The following TMTC2 variants were observed in gnomAD, a reference collection of about 807,000 sequenced individuals.
TMTC2 encodes protein O-mannosyl-transferase TMTC2.
TMTC2 carries 43 observed loss-of-function variants against 82.4 expected under a neutral mutation model. That is an observed-to-expected ratio of 0.52 (90% CI 0.41 to 0.67). The LOEUF is 0.67. Among genes scored for constraint, TMTC2 ranks in the 30% least tolerant of loss-of-function variants. The pLI is 0.00. For synonymous variants in TMTC2, 408 were observed against 381.9 expected, an observed-to-expected ratio of 1.07 and a Z score of -0.80; for missense variants, 919 against 1,012.4, an observed-to-expected ratio of 0.91 and a Z score of 1.25.
At chr12:83,043,780 T>A (rs1477932050) in intron 9 of TMTC2, among the ~76,000 whole-genome samples, 1 of 152,212 alleles carries the variant, frequency 6.6e-6, no homozygotes, top group Non-Finnish European at 1.5e-5. Flanking sequence ...AGACACAATA[T>A]TAATTTGGGG....
chr12:82,977,295 A>C (rs1565836336), intron 7 of TMTC2, among the ~76,000 whole-genome samples: 1 of 151,984 alleles, frequency 6.6e-6, no homozygotes, highest in Non-Finnish European at 1.5e-5. Flanking sequence ...ATAGCCAAGA[A>C]AGTCTTAATG....
At chr12:82,881,306 C>T (rs762162335) in intron 2 of TMTC2, among the ~76,000 whole-genome samples, 27 of 152,122 alleles carry the variant, frequency 1.8e-4, no homozygotes, top group Non-Finnish European at 3.8e-4. Flanking sequence ...AGTTTGAGTA[C>T]TTTTCTGTTT....
intron 1 of TMTC2, among the ~76,000 whole-genome samples, chr12:82,816,895 G>T (rs1461449013): frequency 4.0e-5 from 6 of 151,844 alleles, no homozygotes; most frequent in African/African-American, 1.5e-4. Flanking sequence ...AGGCTGAATT[G>T]GTGAAAGAGA....
intron 1 of TMTC2, among the ~76,000 whole-genome samples, chr12:82,710,588 G>A (rs1245807806): frequency 6.6e-6 from 1 of 152,190 alleles, no homozygotes; most frequent in African/African-American, 2.4e-5. Context: ...CATGATACAT[G>A]AGTAATGAAT....
At chr12:83,116,785 T>G (rs184616568) in intron 11 of TMTC2, among the ~76,000 whole-genome samples, 14 of 152,156 alleles carry the variant, frequency 9.2e-5, no homozygotes, top group African/African-American at 3.4e-4. Flanking sequence ...ATGGGATTTT[T>G]TTTTCTTACT....
chr12:83,081,446 TCTCA>T (rs1883464693), intron 11 of TMTC2, among the ~76,000 whole-genome samples: 2 of 152,198 alleles, frequency 1.3e-5, no homozygotes, highest in African/African-American at 4.8e-5. Flanking sequence ...AATAACAGAT[TCTCA>T]CTCACTTGCC....
chr12:83,074,599 T>C (rs1883223081), intron 11 of TMTC2, among the ~76,000 whole-genome samples: 1 of 151,942 alleles, frequency 6.6e-6, no homozygotes, highest in Non-Finnish European at 1.5e-5. Context: ...TGCTGAGTCA[T>C]GTGGTTGTCA....
At chr12:83,031,165 G>A (rs1881415896) in intron 9 of TMTC2, among the ~76,000 whole-genome samples, 1 of 151,920 alleles carries the variant, frequency 6.6e-6, no homozygotes, top group Non-Finnish European at 1.5e-5. Context: ...CATCAGGAAA[G>A]CATCTAGCTC....
chr12:82,973,505 A>G (rs1878535812), intron 7 of TMTC2, among the ~76,000 whole-genome samples: 1 of 152,210 alleles, frequency 6.6e-6, no homozygotes, highest in Non-Finnish European at 1.5e-5. Context: ...AATAATGAAT[A>G]TATGAAATTT....
intron 2 of TMTC2, among the ~76,000 whole-genome samples, chr12:82,866,591 T>C (rs892148424): frequency 1.9e-4 from 29 of 152,148 alleles, no homozygotes; most frequent in African/African-American, 7.0e-4. Context: ...ATCACTCAGC[T>C]CAATTTTCGA....
chr12:82,998,342 A>G (rs1345822663), intron 8 of TMTC2, among the ~76,000 whole-genome samples: 1 of 152,198 alleles, frequency 6.6e-6, no homozygotes, highest in Non-Finnish European at 1.5e-5. Flanking sequence ...AGAGCTATGC[A>G]GAAAATAGCC....
intron 1 of TMTC2, among the ~76,000 whole-genome samples, chr12:82,724,309 G>A (rs148687811): frequency 1.9e-3 from 289 of 152,284 alleles, no homozygotes; most frequent in African/African-American, 6.6e-3. Flanking sequence ...CTGCTTATTA[G>A]ACTTGTGATA....
intron 2 of TMTC2, among the ~76,000 whole-genome samples, chr12:82,876,150 GGTGGTA>G (rs1241094597): frequency 1.4e-5 from 2 of 145,864 alleles, no homozygotes; most frequent in Non-Finnish European, 3.0e-5. Flanking sequence ...TGGTGGTGGT[GGTGGTA>G]GTGGTGGTAG....
At chr12:82,768,259 T>A (rs7315215) in intron 1 of TMTC2, among the ~76,000 whole-genome samples, 19,964 of 152,266 alleles carry the variant, frequency 0.13, 1,447 homozygotes, top group Middle Eastern at 0.21. Context: ...GTTGCATCTG[T>A]AGTGCCAGAC....
rs189856622 is a variant in TMTC2 at position 82,788,115 on chromosome 12, G to A, written c.84-68895G>A. ...CATTTAAATGATTTCCTTACAAAAC[G>A]ACTGTAATGGATTTTCTTTAAAAAA... On this transcript the variant is annotated intron_variant, in intron 1 of 11. Coordinates refer to ENST00000321196, the MANE Select transcript of TMTC2 (RefSeq NM_152588.3). Among the ~76,000 whole-genome samples the A allele has an allele frequency of 1.8e-3, 280 of 151,870 alleles. 1 individual carries two copies. Among genetic ancestry groups the A allele is most frequent in the Middle Eastern group, 3.4e-3 (1 of 294 alleles).
chr12:82,989,428 G>T (rs1161179891), intron 8 of TMTC2, among the ~76,000 whole-genome samples: 1 of 151,938 alleles, frequency 6.6e-6, no homozygotes, highest in Non-Finnish European at 1.5e-5. Context: ...CTGTACTGAT[G>T]ATTCTGTGTG....
At chr12:82,868,700 T>TC (rs1491461843) in intron 2 of TMTC2, among the ~76,000 whole-genome samples, 8 of 89,460 alleles carry the variant, frequency 8.9e-5, no homozygotes, top group South Asian at 2.9e-4. Flanking sequence ...AGTCTCTCTC[T>TC]TTTTTTTTTT....
At chr12:82,867,720 C>T (rs373673843) in intron 2 of TMTC2, among the ~76,000 whole-genome samples, 3 of 152,142 alleles carry the variant, frequency 2.0e-5, no homozygotes, top group East Asian at 3.9e-4. Context: ...AAATGGAAAA[C>T]TCAAAGTTAC....
chr12:83,112,755 C>T (rs1229073828), intron 11 of TMTC2, among the ~76,000 whole-genome samples: 1 of 152,108 alleles, frequency 6.6e-6, no homozygotes, highest in Non-Finnish European at 1.5e-5. Flanking sequence ...CTTGTTCAGA[C>T]GTGAATCATA....
Sources: allele counts gnomAD v4.1 joint callset (sites outside exome capture counted in the v4.1 genomes callset), GRCh38; gene constraint gnomAD v4.1.1; transcripts MANE v1.5; gene names NCBI Gene and HGNC (gene_info 2026-07-23, HGNC 2026-07-21).